ANXA10: variants seen among roughly 807,000 people sequenced by gnomAD.
ANXA10 encodes annexin A10.
Under a neutral mutation model 53.5 loss-of-function variants are expected in ANXA10, and 49 were observed. The ratio of observed to expected loss-of-function variants is 0.92; its 90% CI spans 0.73 to 1.16. The LOEUF (loss-of-function observed/expected upper bound fraction) is 1.16. Among genes scored for constraint, ANXA10 ranks in the 50% most tolerant of loss-of-function variants. The pLI is 0.00. For missense variants in ANXA10, 393 were observed against 394.4 expected (o/e 1.00, Z 0.03); for synonymous variants, 131 against 128.9 (o/e 1.02, Z -0.11).
At chr4:168,095,523 A>T (rs950787629) in intron 1 of ANXA10, among the ~76,000 whole-genome samples, 26 of 152,184 alleles carry the variant, frequency 1.7e-4, no homozygotes, top group African/African-American at 5.8e-4. Flanking sequence ...AAATTATTAT[A>T]ATAATTTACT....
chr4:168,182,507 G>C (rs1406099684), intron 10 of ANXA10, among the ~76,000 whole-genome samples: 1 of 148,648 alleles, frequency 6.7e-6, no homozygotes, highest in African/African-American at 2.5e-5. Context: ...ATTTTGTTTT[G>C]TGTTTTTAGT....
intron 2 of ANXA10, among the ~76,000 whole-genome samples, chr4:168,135,391 A>G (rs1731220431): frequency 6.6e-6 from 1 of 152,238 alleles, no homozygotes; most frequent in African/African-American, 2.4e-5. Flanking sequence ...AAACTGCAAG[A>G]GGCTGGGAGG....
chr4:168,185,464 A>T (rs1191629871), intron 11 of ANXA10, among the ~76,000 whole-genome samples: 1 of 152,242 alleles, frequency 6.6e-6, no homozygotes, highest in Admixed American at 6.5e-5. Flanking sequence ...CTAGCTATAT[A>T]CAACTCTACA....
intron 3 of ANXA10, among the ~76,000 whole-genome samples, chr4:168,154,677 T>C (rs1307496717): frequency 6.6e-6 from 1 of 152,160 alleles, no homozygotes; most frequent in Non-Finnish European, 1.5e-5. Flanking sequence ...TATTTTAAAA[T>C]GCCTAAAATG....
intron 3 of ANXA10, among the ~76,000 whole-genome samples, chr4:168,140,498 C>T (rs1210591152): frequency 6.6e-6 from 1 of 152,206 alleles, no homozygotes; most frequent in Non-Finnish European, 1.5e-5. Flanking sequence ...ACTGTTACCT[C>T]AGCCTATGTT....
intron 3 of ANXA10, among the ~76,000 whole-genome samples, chr4:168,144,624 A>T (rs1012924232): frequency 6.6e-6 from 1 of 152,240 alleles, no homozygotes; most frequent in African/African-American, 2.4e-5. Context: ...AGCCATTTGT[A>T]TACAATTTCC....
At chr4:168,139,945 A>C (rs1045223267) in intron 3 of ANXA10, among the ~76,000 whole-genome samples, 1 of 152,144 alleles carries the variant, frequency 6.6e-6, no homozygotes, top group Non-Finnish European at 1.5e-5. Flanking sequence ...GGCACATAAA[A>C]AATTAATGAT....
At chr4:168,114,135 T>G (rs1433324027) in intron 1 of ANXA10, among the ~76,000 whole-genome samples, 1 of 152,238 alleles carries the variant, frequency 6.6e-6, no homozygotes, top group Non-Finnish European at 1.5e-5. Flanking sequence ...GTTTTTTCCA[T>G]TAATATTATC....
At chr4:168,171,265 G>A (rs1000826825) in intron 6 of ANXA10, among the ~76,000 whole-genome samples, 1 of 152,156 alleles carries the variant, frequency 6.6e-6, no homozygotes, top group Non-Finnish European at 1.5e-5. Flanking sequence ...GCACCATAGT[G>A]TAATCAAATC....
At chr4:168,185,611 C>A (rs1369267152) in intron 11 of ANXA10, among the ~76,000 whole-genome samples, 1 of 152,142 alleles carries the variant, frequency 6.6e-6, no homozygotes, top group African/African-American at 2.4e-5. Flanking sequence ...ATATATAGGA[C>A]CATTTACTAA....
intron 1 of ANXA10, among the ~76,000 whole-genome samples, chr4:168,096,345 A>C (rs1730539454): frequency 6.6e-6 from 1 of 152,162 alleles, no homozygotes; most frequent in African/African-American, 2.4e-5. Context: ...ACAAGACTAC[A>C]TTGTCTGAAC....
chr4:168,111,270 A>G (rs897655794), intron 1 of ANXA10, among the ~76,000 whole-genome samples: 1 of 152,164 alleles, frequency 6.6e-6, no homozygotes, highest in African/African-American at 2.4e-5. Context: ...CTTGAGGGTG[A>G]GCAAACACTT....
At chr4:168,108,976 A>G (rs1348001617) in intron 1 of ANXA10, among the ~76,000 whole-genome samples, 2 of 152,132 alleles carry the variant, frequency 1.3e-5, no homozygotes, top group Non-Finnish European at 2.9e-5. Flanking sequence ...AACAACACTG[A>G]TTTTTAGAAT....
chr4:168,111,241 T>A (rs959377870), intron 1 of ANXA10, among the ~76,000 whole-genome samples: 2 of 152,208 alleles, frequency 1.3e-5, no homozygotes, highest in Non-Finnish European at 2.9e-5. Flanking sequence ...AAGTGTGAGA[T>A]TCAGGAGTGC....
At chr4:168,162,746 A>G in intron 4 of ANXA10, 105 bp downstream of exon 4, 6 of 820,986 alleles carry the variant, frequency 7.3e-6, no homozygotes, top group Non-Finnish European at 1.2e-5. Flanking sequence ...GATCAAGGAG[A>G]GGGGAGGGAA....
At chr4:168,127,748 T>A (rs755516976) in intron 1 of ANXA10, 2 of 518,598 alleles carry the variant, frequency 3.9e-6, no homozygotes, top group South Asian at 3.1e-5. Context: ...CTTGTGTGTA[T>A]GTTTTGTAGT....
At chr4:168,114,094 G>T (rs1334520218) in intron 1 of ANXA10, among the ~76,000 whole-genome samples, 1 of 152,106 alleles carries the variant, frequency 6.6e-6, no homozygotes, top group African/African-American at 2.4e-5. Flanking sequence ...ACCTAAATAG[G>T]TCTAAATATT....
chr4:168,140,331 C>T (rs1313620681), intron 3 of ANXA10, among the ~76,000 whole-genome samples: 1 of 152,130 alleles, frequency 6.6e-6, no homozygotes, highest in Non-Finnish European at 1.5e-5. Context: ...AAATTTACTC[C>T]ACCTCTAAAC....
At chr4:168,107,124 T>C (rs1425473470) in intron 1 of ANXA10, among the ~76,000 whole-genome samples, 2 of 152,156 alleles carry the variant, frequency 1.3e-5, no homozygotes, top group Admixed American at 1.3e-4. Flanking sequence ...GAATTCCTTT[T>C]ATATGGATTC....
Sources: gnomAD v4.1 joint callset for allele counts (sites outside exome capture counted in the v4.1 genomes callset) on GRCh38, gnomAD v4.1.1 for gene constraint, MANE v1.5 for transcripts, NCBI Gene and HGNC (gene_info 2026-07-23, HGNC 2026-07-21) for gene names.